AKAP17A: variants seen among roughly 807,000 people sequenced by gnomAD.
AKAP17A encodes A-kinase anchor protein 17A.
A neutral mutation model predicts 52.2 loss-of-function variants in AKAP17A; 15 were observed. That is an observed-to-expected ratio of 0.29 (90% CI 0.19 to 0.44). The LOEUF is 0.44. Among genes scored for constraint, AKAP17A ranks in the 20% least tolerant of loss-of-function variants. AKAP17A has a pLI of 1.00. For synonymous variants in AKAP17A, 514 were observed against 424.7 expected, an observed-to-expected ratio of 1.21 and a Z score of -2.58; for missense variants, 1,060 against 1,007.0, an observed-to-expected ratio of 1.05 and a Z score of -0.71.
intron 3 of AKAP17A, 62 bp downstream of exon 3, chrX:1,595,594 CCGTGTG>C: frequency 6.2e-7 from 1 of 1,602,838 alleles, no homozygotes; most frequent in Non-Finnish European, 8.5e-7. Flanking sequence ...GTGCGCAGAC[CCGTGTG>C]CGTGTGTCTG....
intron 3 of AKAP17A, among the ~76,000 whole-genome samples, chrX:1,597,995 C>T (rs1443393595): frequency 6.6e-6 from 1 of 152,152 alleles, no homozygotes; most frequent in Non-Finnish European, 1.5e-5. Context: ...TGAGGGGAGG[C>T]CCAGGGCAGC....
intron 3 of AKAP17A, among the ~76,000 whole-genome samples, chrX:1,598,294 C>A (rs1933130081): frequency 6.6e-6 from 1 of 151,934 alleles, no homozygotes; most frequent in Non-Finnish European, 1.5e-5. Context: ...GCGTCGGCAC[C>A]TGGCCCGGCC....
intron 3 of AKAP17A, among the ~76,000 whole-genome samples, chrX:1,596,441 TCCTCCTCCATCCCTCCCACCCTCCTA>T (rs1932984260): frequency 9.1e-6 from 1 of 109,618 alleles, no homozygotes; most frequent in Admixed American, 8.9e-5. Flanking sequence ...CTCCTCCTCC[TCCTCCTCCATCCCTCCCACCCTCCTA>T]GTGAGGTGGA....
intron 1 of AKAP17A, among the ~76,000 whole-genome samples, chrX:1,592,975 G>A (rs1245670748): frequency 6.6e-6 from 1 of 152,148 alleles, no homozygotes; most frequent in East Asian, 1.9e-4. Flanking sequence ...GTACAGGGCC[G>A]CCGCCCCCTC....
intron 2 of AKAP17A, 108 bp from the exon 3 acceptor site, chrX:1,595,276 C>A: frequency 1.4e-6 from 2 of 1,460,848 alleles, no homozygotes; most frequent in Non-Finnish European, 9.3e-7. Context: ...GGTGAGCGGG[C>A]GCTCAGGCTC....
chrX:1,594,721 C>T (rs1376312714), intron 2 of AKAP17A, among the ~76,000 whole-genome samples: 6 of 151,862 alleles, frequency 4.0e-5, no homozygotes, highest in Middle Eastern at 3.2e-3. Context: ...TGGGTTCGAG[C>T]GATTCTTCTG....
chrX:1,595,267 G>A (rs1932923612), intron 2 of AKAP17A, 117 bp from the exon 3 acceptor site: 1 of 1,359,944 alleles, frequency 7.4e-7, no homozygotes, highest in Non-Finnish European at 1.0e-6. Context: ...GCGGTGAGCG[G>A]TGAGCGGGCG....
chrX:1,597,187 C>G (rs1401683895), intron 3 of AKAP17A, among the ~76,000 whole-genome samples: 1 of 151,248 alleles, frequency 6.6e-6, no homozygotes, highest in Non-Finnish European at 1.5e-5. Flanking sequence ...GCACTGAACT[C>G]CTGGGAGCAG....
intron 2 of AKAP17A, among the ~76,000 whole-genome samples, chrX:1,594,838 C>T (rs1354622575): frequency 1.3e-5 from 2 of 152,096 alleles, no homozygotes; most frequent in African/African-American, 2.4e-5. Context: ...AGGCTGGTCT[C>T]GAACTCCTGA....
rs769791779 is a variant in AKAP17A, at chrX:1,593,570, C to A, written c.108C>A (p.Leu36=). The part of the protein sequence containing the change: ...PITKMTISVA[L]PQLKQPGKSI... ...CCAAGATGACCATCAGCGTGGCACTCCCGCAGCTGAAGCAGCCGGGGAAGT... is the reference window on the plus strand; with the variant it reads ...CCAAGATGACCATCAGCGTGGCACTACCGCAGCTGAAGCAGCCGGGGAAGT... Residue 36 remains leucine (L), a synonymous_variant, in exon 2 of 5, where the codon CTC becomes CTA. Coordinates refer to ENST00000313871, the MANE Select transcript of AKAP17A (RefSeq NM_005088.3). The A allele has an allele frequency of 6.2e-7, 1 of 1,613,750 alleles. No individual in the cohort carries two copies.
intron 3 of AKAP17A, among the ~76,000 whole-genome samples, chrX:1,598,234 G>T (rs1184492557): frequency 3.9e-5 from 6 of 152,188 alleles, no homozygotes; most frequent in Non-Finnish European, 7.3e-5. Context: ...ACATGAAACT[G>T]CCTGAGGACC....
chrX:1,600,716 G>A lies in AKAP17A; in HGVS notation c.1210G>A (p.Glu404Lys). The A allele has an allele frequency of 6.5e-7, 1 of 1,547,430 alleles. No homozygotes were observed. The highest frequency in any genetic ancestry group is 8.7e-7 in the Non-Finnish European group (1 of 1,147,632). Reference sequence around the variant, plus strand: ...GGAGAAGCTGAGGCTCCAGCAGCAGGAGGAGCGGCGGCGGCTGCAGGAGGC... The same window carrying A: ...GGAGAAGCTGAGGCTCCAGCAGCAGAAGGAGCGGCGGCGGCTGCAGGAGGC... ...KEEKLRLQQQ[E>K]ERRRLQEAEL... is the part of the protein sequence containing the mutation. The change falls in exon 5 of 5, where the codon GAG becomes AAG. Residue 404 changes from glutamate (E) to lysine (K), a missense_variant. Physicochemically the swap from Glu to Lys is moderately conservative, Grantham distance 56 (BLOSUM62 1). Transcript: ENST00000313871.
chrX:1,597,625 T>C (rs1933076982), intron 3 of AKAP17A, among the ~76,000 whole-genome samples: 1 of 149,882 alleles, frequency 6.7e-6, no homozygotes, highest in African/African-American at 2.5e-5. Context: ...ATTCTGGAAG[T>C]GTGGAGTGGG....
rs1353765946 is a variant in AKAP17A, at chrX:1,602,395, G to A, written c.*801G>A. ...CAGGCTGCAAACTTGTTTTATAATC[G>A]TTTGCTTCTCCAAGTGAAGCTCAGA... On this transcript the variant is annotated 3_prime_UTR_variant, in exon 5 of 5. Transcript: ENST00000313871. 1.3e-5 allele frequency: 2 copies of A among 152,146 alleles called. No individual in the cohort carries two copies. Among genetic ancestry groups the A allele is most frequent in the South Asian group, 2.1e-4 (1 of 4,822 alleles). The allele number at this position is 152,146 out of a possible 1,614,324, so 9.4% of individuals were successfully genotyped here. A position where few individuals can be genotyped will look rare whatever the true frequency, so the allele number is the denominator to read the frequency against.
At position 1,600,931 on chromosome X, in the gene AKAP17A, G is replaced by A. The variant is rs200853263; in HGVS notation, c.1425G>A (p.Ser475=). Residue 475 remains serine (S), a synonymous_variant, in exon 5 of 5, where the codon TCG becomes TCA. Transcript: ENST00000313871. ...TCCTGGACATCCTGCAGACCGTGTC[G>A]TCCGGCTGTGTGAGCGCCACCACGC... ...QPVLDILQTV[S]SGCVSATTLH... 326 of 1,576,558 alleles carry A rather than the reference G, an allele frequency of 2.1e-4. No homozygotes were observed. Among genetic ancestry groups the A allele is most frequent in the Admixed American group, 1.9e-3 (102 of 54,282 alleles).
At chrX:1,599,754 G>T (rs61538707) in intron 4 of AKAP17A, 403 of 613,516 alleles carry the variant, frequency 6.6e-4, no homozygotes, top group Non-Finnish European at 1.0e-3. Context: ...AGAGTGCAGG[G>T]GGCCGCTCCC....
chrX:1,600,781 G>T lies in AKAP17A; in HGVS notation c.1275G>T (p.Leu425=). 6.3e-7 allele frequency: 1 copy of T among 1,580,156 alleles called. No individual in the cohort carries two copies. The highest frequency in any genetic ancestry group is 8.6e-7 in the Non-Finnish European group (1 of 1,168,018). Residue 425 remains leucine, a synonymous_variant, in exon 5 of 5, where the codon CTG becomes CTT. Transcript: ENST00000313871. Reference sequence around the variant, plus strand: ...TGGAGGAGGAGAAGGAGCGCGCGCTGGGCCTGCAGCGGAAAGAGCGGGAGC... The same window carrying T: ...TGGAGGAGGAGAAGGAGCGCGCGCTTGGCCTGCAGCGGAAAGAGCGGGAGC... ...RRVEEEKERA[L]GLQRKERELR...
Position 1,599,339 on chromosome X carries a change from G to T in AKAP17A, c.1059G>T (p.Gln353His). The change falls in exon 4 of 5, where the codon CAG becomes CAT. Residue 353 changes from glutamine to histidine, a missense_variant. Gln to His is a conservative substitution (Grantham distance 24, BLOSUM62 0). Coordinates refer to ENST00000313871, the MANE Select transcript of AKAP17A (RefSeq NM_005088.3). ...AGGCGGAGGAGCAGAAGCAGCTGCA[G>T]GAGAAGATCAAGCTGGAGGAGCGCA... ...KLQAEEQKQLQEKIKLEERKL... is the reference protein window; with the variant it reads ...KLQAEEQKQLHEKIKLEERKL... 1 of 1,602,506 alleles carries T rather than the reference G, an allele frequency of 6.2e-7. No individual in the cohort carries two copies. Among genetic ancestry groups the T allele is most frequent in the East Asian group, 2.2e-5 (1 of 44,530 alleles).
chrX:1,592,530 C>T (rs138545663), intron 1 of AKAP17A, among the ~76,000 whole-genome samples: 2,980 of 152,102 alleles, frequency 0.02, 35 homozygotes, highest in South Asian at 0.031. Context: ...GGAGCCCCTC[C>T]CTGGTGCCCC....
Sources: allele counts gnomAD v4.1 joint callset (sites outside exome capture counted in the v4.1 genomes callset), GRCh38; gene constraint gnomAD v4.1.1; transcripts MANE v1.5; gene names NCBI Gene and HGNC (gene_info 2026-07-23, HGNC 2026-07-21).